Variants in KIF2A observed in about 807,000 individuals in gnomAD.
The protein encoded by KIF2A is kinesin family member 2A.
A neutral mutation model predicts 100.2 loss-of-function variants in KIF2A; 22 were observed. The observed-to-expected ratio is 0.22, with a 90% confidence interval of 0.16 to 0.31. The LOEUF (loss-of-function observed/expected upper bound fraction) is 0.31, where lower values mean the gene tolerates loss of function less well. KIF2A is among the 10% of genes least tolerant of loss of function. The probability of loss-of-function intolerance (pLI) is 1.00; values close to 1 mark genes in which losing one functional copy is unlikely to be tolerated. For synonymous variants in KIF2A, 268 were observed against 285.9 expected (o/e 0.94, Z 0.63); for missense variants, 495 against 898.7 (o/e 0.55, Z 5.74).
chr5:62,306,350 TCGCCCGGGCCGGCGCGGC>T lies in KIF2A; in HGVS notation c.-119_-102del. 1 of 768,972 alleles carries T rather than the reference TCGCCCGGGCCGGCGCGGC, an allele frequency of 1.3e-6. No individual in the cohort carries two copies. Among genetic ancestry groups the T allele is most frequent in the Non-Finnish European group, 2.1e-6 (1 of 465,542 alleles). The allele number at this position is 768,972 out of a possible 1,614,324, so 47.6% of individuals were successfully genotyped here. A position where few individuals can be genotyped will look rare whatever the true frequency, so the allele number is the denominator to read the frequency against. On this transcript the variant is annotated 5_prime_UTR_variant, in exon 1 of 21. Transcript: ENST00000407818. ...TGCGGCCCCGCTTGCGTTCACGCTGTCGCCCGGGCCGGCGCGGCCGCGGGCAACCGCTCCCCCTCCCAC... is the reference window on the plus strand; with the variant it reads ...TGCGGCCCCGCTTGCGTTCACGCTGTCGCGGGCAACCGCTCCCCCTCCCAC...
intron 18 of KIF2A, among the ~76,000 whole-genome samples, chr5:62,376,080 G>C (rs1580097292): frequency 6.6e-6 from 1 of 152,156 alleles, no homozygotes; most frequent in South Asian, 2.1e-4. Flanking sequence ...TGGAAAACCA[G>C]AGCAAGATAA....
chr5:62,352,084 C>T (rs948644278), intron 4 of KIF2A, among the ~76,000 whole-genome samples: 3 of 147,618 alleles, frequency 2.0e-5, no homozygotes, highest in Admixed American at 6.9e-5. Context: ...ACCTGGGAGG[C>T]GGAGGTCACA....
chr5:62,380,067 AT>A (rs1334893956), intron 19 of KIF2A, among the ~76,000 whole-genome samples: 1 of 152,046 alleles, frequency 6.6e-6, no homozygotes, highest in Non-Finnish European at 1.5e-5. Context: ...AATTTTTTGT[AT>A]TTTTAGAAGA....
At chr5:62,309,383 T>C (rs1745458415) in intron 1 of KIF2A, among the ~76,000 whole-genome samples, 1 of 152,162 alleles carries the variant, frequency 6.6e-6, no homozygotes, top group South Asian at 2.1e-4. Context: ...AGATGCATGA[T>C]GGAGTTGGTG....
intron 1 of KIF2A, among the ~76,000 whole-genome samples, chr5:62,326,569 C>T (rs1428461257): frequency 6.6e-6 from 1 of 152,168 alleles, no homozygotes; most frequent in Non-Finnish European, 1.5e-5. Context: ...CACTTGTACT[C>T]TGGATCTTGT....
rs200309229 is a variant in KIF2A, at chr5:62,306,848, GC to G, written c.64+321del. On this transcript the variant is annotated intron_variant, in intron 1 of 20. Coordinates refer to ENST00000407818, the MANE Select transcript of KIF2A (RefSeq NM_001098511.3). ...CTCGCTCCTCCTCCCGCAATCTCCAGCCCCCCCCCGGGGACACCAGCCCGGG... is the reference window on the plus strand; with the variant it reads ...CTCGCTCCTCCTCCCGCAATCTCCAGCCCCCCCCGGGGACACCAGCCCGGG... 9.2e-3 allele frequency: 2,988 copies of G among 326,346 alleles called. 66 individuals carry two copies. Among genetic ancestry groups the G allele is most frequent in the African/African-American group, 0.059 (2,603 of 44,480 alleles). The allele number at this position is 326,346 out of a possible 1,614,324, so 20.2% of individuals were successfully genotyped here.
intron 1 of KIF2A, among the ~76,000 whole-genome samples, chr5:62,312,668 G>C (rs2111774587): frequency 6.6e-6 from 1 of 152,288 alleles, no homozygotes; most frequent in East Asian, 1.9e-4. Context: ...AGCTCTTTTA[G>C]ATAAAGCAAT....
At chr5:62,359,074 C>T (rs1188255235) in intron 9 of KIF2A, among the ~76,000 whole-genome samples, 6 of 152,092 alleles carry the variant, frequency 3.9e-5, no homozygotes, top group Non-Finnish European at 8.8e-5. Context: ...TTAAATTTGT[C>T]ATCTTTAAGC....
intron 6 of KIF2A, 114 bp from the exon 7 acceptor site, chr5:62,355,044 GT>G: frequency 1.7e-6 from 1 of 583,578 alleles, no homozygotes. Context: ...GTCAGTTTAA[GT>G]TTAGGCTTGG....
chr5:62,356,231 T>C (rs1264568222), intron 7 of KIF2A, among the ~76,000 whole-genome samples: 1 of 152,252 alleles, frequency 6.6e-6, no homozygotes, highest in Non-Finnish European at 1.5e-5. Flanking sequence ...GAATTGTTGA[T>C]AATACTTGTA....
chr5:62,366,568 A>C, intron 16 of KIF2A, 87 bp downstream of exon 16: 6 of 801,688 alleles, frequency 7.5e-6, no homozygotes, highest in East Asian at 2.9e-5. Flanking sequence ...GCGGTGGCTC[A>C]CGCCTGTAAT....
chr5:62,313,935 G>T (rs1745680047), intron 1 of KIF2A, among the ~76,000 whole-genome samples: 1 of 151,878 alleles, frequency 6.6e-6, no homozygotes, highest in South Asian at 2.1e-4. Context: ...AGGACTACAG[G>T]TATGCACAAC....
intron 1 of KIF2A, among the ~76,000 whole-genome samples, chr5:62,334,568 AC>A (rs1220603190): frequency 7.9e-6 from 1 of 126,704 alleles, no homozygotes; most frequent in African/African-American, 3.1e-5. Flanking sequence ...CTCGTCCTCC[AC>A]TTTATTCTTC....
At chr5:62,360,424 C>T (rs2111950604) in intron 9 of KIF2A, among the ~76,000 whole-genome samples, 1 of 152,252 alleles carries the variant, frequency 6.6e-6, no homozygotes, top group African/African-American at 2.4e-5. Context: ...GTGGCTCATG[C>T]CTGTAATCCC....
At chr5:62,374,627 A>C (rs1255833674) in intron 18 of KIF2A, among the ~76,000 whole-genome samples, 1 of 152,176 alleles carries the variant, frequency 6.6e-6, no homozygotes, top group Non-Finnish European at 1.5e-5. Flanking sequence ...TAAAAATTAC[A>C]CATATAATAA....
At chr5:62,356,032 C>T (rs1007986450) in intron 7 of KIF2A, among the ~76,000 whole-genome samples, 3 of 152,142 alleles carry the variant, frequency 2.0e-5, no homozygotes, top group Non-Finnish European at 2.9e-5. Context: ...CCACCCGCCT[C>T]GGTCTCCCAA....
At chr5:62,350,636 G>GTAATC in intron 4 of KIF2A, among the ~76,000 whole-genome samples, 1 of 152,090 alleles carries the variant, frequency 6.6e-6, no homozygotes. Context: ...TTTTGTCCAG[G>GTAATC]TGCGGTGACT....
rs1320756973 is a variant in KIF2A, at chr5:62,387,538, C to T, written c.*1969C>T. On this transcript the variant is annotated 3_prime_UTR_variant, in exon 21 of 21. Coordinates refer to ENST00000407818, the MANE Select transcript of KIF2A (RefSeq NM_001098511.3). ...TGATCAGGTATTTTAAAAATTAGTA[C>T]CAGAAAAGATACTGGAGGTAATATA... 1.3e-5 allele frequency: 2 copies of T among 151,856 alleles called. No homozygotes were observed. The highest frequency in any genetic ancestry group is 2.9e-5 in the Non-Finnish European group (2 of 67,964). 9.4% of individuals were successfully genotyped at this position (151,856 alleles called of 1,614,324 possible).
rs1003739793 is a variant in KIF2A, at chr5:62,366,167, A to C, written c.1579-247A>C. Among the ~76,000 whole-genome samples the C allele has an allele frequency of 2.0e-5, 3 of 151,588 alleles. No individual in the cohort carries two copies. In the East Asian group the frequency reaches 5.8e-4, roughly 29 times the overall value. On this transcript the variant is annotated intron_variant, in intron 15 of 20. Transcript: ENST00000407818. The stretch of plus-strand genomic sequence containing the variant: ...GGGTCAGTCAGTACTATTCCCTTCC[A>C]GGTATTAACCTCCTCCATTTCAGCT...
Sources: allele counts gnomAD v4.1 joint callset (sites outside exome capture counted in the v4.1 genomes callset), GRCh38; gene constraint gnomAD v4.1.1; transcripts MANE v1.5; gene names NCBI Gene and HGNC (gene_info 2026-07-23, HGNC 2026-07-21).